The following ITPR1 variants were observed in gnomAD, a reference collection of about 807,000 sequenced individuals.
ITPR1 encodes the protein inositol 1,4,5-trisphosphate receptor type 1.
ITPR1 carries 96 observed loss-of-function variants against 318.4 expected under a neutral mutation model. The ratio of observed to expected loss-of-function variants is 0.30; its 90% confidence interval spans 0.26 to 0.36. ITPR1 has a LOEUF of 0.36. Ranked by LOEUF, ITPR1 falls within the 10% of genes least tolerant of loss-of-function variation. The pLI is 1.00. For missense variants in ITPR1, 2,440 were observed against 3,460.2 expected, an observed-to-expected ratio of 0.71 and a Z score of 7.40; for synonymous variants, 1,312 against 1,289.9, an observed-to-expected ratio of 1.02 and a Z score of -0.37.
chr3:4,814,615 G>C (rs962923946), intron 58 of ITPR1, 53 bp downstream of exon 58: 17 of 1,330,974 alleles, frequency 1.3e-5, no homozygotes, highest in Admixed American at 3.6e-5. Flanking sequence ...GGGGTGGTTG[G>C]TGGGAGCACC....
chr3:4,838,302 T>C (rs899185593), intron 61 of ITPR1, among the ~76,000 whole-genome samples: 1 of 152,072 alleles, frequency 6.6e-6, no homozygotes. Context: ...CTAATGAAGA[T>C]CTAACTAGAT....
At chr3:4,693,285 G>A (rs1294694225) in intron 32 of ITPR1, among the ~76,000 whole-genome samples, 1 of 152,122 alleles carries the variant, frequency 6.6e-6, no homozygotes, top group Non-Finnish European at 1.5e-5. Context: ...GGGCCAGTGT[G>A]GTATTTCTGT....
intron 10 of ITPR1, among the ~76,000 whole-genome samples, chr3:4,651,913 T>C (rs1302331776): frequency 1.3e-5 from 2 of 152,260 alleles, no homozygotes; most frequent in Non-Finnish European, 1.5e-5. Flanking sequence ...GTATGTTAAC[T>C]AGGAGACTCG....
intron 44 of ITPR1, among the ~76,000 whole-genome samples, chr3:4,744,090 C>G (rs534547686): frequency 1.0e-3 from 153 of 152,318 alleles, no homozygotes; most frequent in Non-Finnish European, 1.4e-3. Flanking sequence ...CCCGCCTCAG[C>G]CTCCCAAAGT....
chr3:4,766,523 T>C lies in ITPR1; in HGVS notation c.5545-7T>C, dbSNP rs1281178010. 1 of 1,613,324 alleles carries C rather than the reference T, an allele frequency of 6.2e-7. No homozygotes were observed. Among genetic ancestry groups the C allele is most frequent in the East Asian group, 2.2e-5 (1 of 44,874 alleles). On this transcript the variant is annotated splice_region_variant and splice_polypyrimidine_tract_variant and intron_variant, in intron 44 of 61. Transcript: ENST00000649015. ...AGTGTTCACAATCTATGGATTTTCC[T>C]TTGCAGCACTCCTTTTTCTGTCGCT...
At position 4,831,106 on chromosome 3, in the gene ITPR1, GTC is replaced by G. The variant is rs147851903; in HGVS notation, c.8029-5643_8029-5642del. 3.2e-3 allele frequency: 1,250 copies of G among 395,596 alleles called. 16 individuals carry two copies. The highest frequency in any genetic ancestry group is 0.022 in the African/African-American group (979 of 44,806). The allele number at this position is 395,596 out of a possible 1,614,324, so 24.5% of individuals were successfully genotyped here. ...CTTCCTCCTCCGTCTGTCTGTCTTT[GTC>G]TCTCTCTCTCTCTCTCTCTCTCTCA... On this transcript the variant is annotated intron_variant, in intron 60 of 61. Transcript: ENST00000649015.
intron 4 of ITPR1, among the ~76,000 whole-genome samples, chr3:4,546,959 C>G (rs1489193400): frequency 3.3e-5 from 5 of 152,094 alleles, no homozygotes; most frequent in African/African-American, 1.2e-4. Flanking sequence ...GGACTTGAGT[C>G]CCAGTCTTTG....
chr3:4,725,572 C>T lies in ITPR1; in HGVS notation c.5163C>T (p.Asn1721=), dbSNP rs201937660. 15 of 1,599,146 alleles carry T rather than the reference C, an allele frequency of 9.4e-6. No individual in the cohort carries two copies. The highest frequency in any genetic ancestry group is 1.7e-4 in the Middle Eastern group (1 of 6,060). ...TTCCTCCAGCTCCGGATTCTGAGAA[C>T]GCCACTGAGGTGTGTTGCCCGCCTA... ...AELPPAPDSE[N]ATEELEPSPP... The change falls in exon 41 of 62, where the codon AAC becomes AAT. Residue 1721 remains asparagine (N), a synonymous_variant. Transcript: ENST00000649015.
At position 4,527,495 on chromosome 3, in the gene ITPR1, C is replaced by T. The variant is rs544120333; in HGVS notation, c.163+6401C>T. 1.2e-4 allele frequency among the ~76,000 whole-genome samples: 19 copies of T among 152,248 alleles called. No individual in the cohort carries two copies. In the East Asian group the frequency reaches 2.1e-3, roughly 17 times the overall value. ...CTGCCACACTTAATGCACTTTTAGCCATTGCCCCAACCAGCTGTGGGATGC... is the reference window on the plus strand; with the variant it reads ...CTGCCACACTTAATGCACTTTTAGCTATTGCCCCAACCAGCTGTGGGATGC... On this transcript the variant is annotated intron_variant, in intron 4 of 61. Coordinates refer to ENST00000649015, the MANE Select transcript of ITPR1 (RefSeq NM_001378452.1).
chr3:4,820,191 C>T (rs2049603398), intron 60 of ITPR1, among the ~76,000 whole-genome samples: 1 of 152,126 alleles, frequency 6.6e-6, no homozygotes, highest in East Asian at 1.9e-4. Flanking sequence ...AAACCCTACT[C>T]GATCAGCATT....
chr3:4,641,526 A>G (rs990968856), intron 6 of ITPR1, among the ~76,000 whole-genome samples: 2 of 152,022 alleles, frequency 1.3e-5, no homozygotes, highest in Non-Finnish European at 2.9e-5. Flanking sequence ...CCAGGTGTGT[A>G]CCCCCACACT....
intron 44 of ITPR1, among the ~76,000 whole-genome samples, chr3:4,759,735 C>A (rs947882637): frequency 4.6e-5 from 7 of 152,186 alleles, no homozygotes; most frequent in Non-Finnish European, 7.3e-5. Flanking sequence ...GAGAGGAGCA[C>A]GTTACCCTGC....
chr3:4,688,139 C>CA (rs35779957), intron 30 of ITPR1, among the ~76,000 whole-genome samples: 63,080 of 151,774 alleles, frequency 0.42, 14,125 homozygotes, highest in Non-Finnish European at 0.53. Flanking sequence ...TCAAGTGATC[C>CA]ACCCAAAGGG....
At chr3:4,506,452 G>C (rs943470914) in intron 2 of ITPR1, among the ~76,000 whole-genome samples, 3 of 152,032 alleles carry the variant, frequency 2.0e-5, no homozygotes. Flanking sequence ...ATCTCATCTT[G>C]TTTTTTCTGA....
intron 44 of ITPR1, among the ~76,000 whole-genome samples, chr3:4,761,865 T>C (rs2045475906): frequency 6.6e-6 from 1 of 152,156 alleles, no homozygotes; most frequent in Non-Finnish European, 1.5e-5. Flanking sequence ...TGCAAACGCA[T>C]CATTACAGAA....
At chr3:4,505,543 C>A (rs186588652) in intron 2 of ITPR1, among the ~76,000 whole-genome samples, 1 of 152,272 alleles carries the variant, frequency 6.6e-6, no homozygotes, top group East Asian at 1.9e-4. Flanking sequence ...AGCAAGAAAA[C>A]CAGCACCAAA....
At chr3:4,653,111 T>C (rs2093633425) in intron 11 of ITPR1, among the ~76,000 whole-genome samples, 1 of 152,218 alleles carries the variant, frequency 6.6e-6, no homozygotes, top group Admixed American at 6.5e-5. Context: ...CATGTCGAGC[T>C]TTACTCTGAT....
At chr3:4,625,199 C>G (rs770223240) in intron 4 of ITPR1, among the ~76,000 whole-genome samples, 16 of 151,180 alleles carry the variant, frequency 1.1e-4, no homozygotes, top group Non-Finnish European at 2.1e-4. Flanking sequence ...GGAAAAATAC[C>G]TATTCTACAA....
At chr3:4,539,234 A>C (rs1286980795) in intron 4 of ITPR1, among the ~76,000 whole-genome samples, 1 of 152,030 alleles carries the variant, frequency 6.6e-6, no homozygotes, top group Non-Finnish European at 1.5e-5. Flanking sequence ...GGATGTTTCT[A>C]GTTCTCTTTT....
Sources: gnomAD v4.1 joint callset for allele counts (sites outside exome capture counted in the v4.1 genomes callset) on GRCh38, gnomAD v4.1.1 for gene constraint, MANE v1.5 for transcripts, NCBI Gene and HGNC (gene_info 2026-07-23, HGNC 2026-07-21) for gene names.